Variants in TCF12 observed in about 807,000 individuals in gnomAD.
TCF12 encodes the protein DNA-binding protein HTF4.
TCF12 carries 45 observed loss-of-function variants against 86.0 expected under a neutral mutation model. The ratio of observed to expected loss-of-function variants is 0.52; its 90% CI spans 0.41 to 0.67. The LOEUF (loss-of-function observed/expected upper bound fraction) is 0.67, where lower values mean the gene tolerates loss of function less well. Among genes scored for constraint, TCF12 ranks in the 30% least tolerant of loss-of-function variants. The probability of loss-of-function intolerance (pLI) is 0.00; values close to 1 mark genes in which losing one functional copy is unlikely to be tolerated. For synonymous variants in TCF12, 330 were observed against 299.6 expected, an observed-to-expected ratio of 1.10 and a Z score of -1.05; for missense variants, 881 against 859.9, an observed-to-expected ratio of 1.02 and a Z score of -0.31.
At chr15:57,251,992 G>A (rs146701405) in intron 14 of TCF12, among the ~76,000 whole-genome samples, 64 of 152,314 alleles carry the variant, frequency 4.2e-4, no homozygotes, top group Non-Finnish European at 5.6e-4. Flanking sequence ...TGAGCGTGAA[G>A]AATTTGTGGG....
At chr15:56,958,938 T>C (rs2061620869) in intron 3 of TCF12, among the ~76,000 whole-genome samples, 1 of 152,198 alleles carries the variant, frequency 6.6e-6, no homozygotes, top group South Asian at 2.1e-4. Flanking sequence ...ATCTAGTGGA[T>C]TGTGAAACTG....
chr15:57,205,555 G>C (rs951237910), intron 8 of TCF12, among the ~76,000 whole-genome samples: 3 of 152,178 alleles, frequency 2.0e-5, no homozygotes, highest in Non-Finnish European at 4.4e-5. Context: ...TCTATTTGAA[G>C]GCTACTGTGA....
intron 3 of TCF12, among the ~76,000 whole-genome samples, chr15:56,971,409 A>T (rs1420300717): frequency 6.6e-6 from 1 of 152,178 alleles, no homozygotes; most frequent in Non-Finnish European, 1.5e-5. Flanking sequence ...CCTGGGTGAC[A>T]GCGAGACTTT....
At chr15:57,208,439 G>A (rs1341296191) in intron 8 of TCF12, among the ~76,000 whole-genome samples, 10 of 125,968 alleles carry the variant, frequency 7.9e-5, no homozygotes, top group South Asian at 2.6e-4. Context: ...CTGGAGTGCA[G>A]TGGCATAATC....
At chr15:56,998,123 C>T (rs773782938) in intron 3 of TCF12, among the ~76,000 whole-genome samples, 3 of 152,120 alleles carry the variant, frequency 2.0e-5, no homozygotes, top group South Asian at 2.1e-4. Flanking sequence ...TCTTCTCTTA[C>T]GAATAGAACT....
chr15:56,931,377 C>A (rs2060241354), intron 3 of TCF12, among the ~76,000 whole-genome samples: 1 of 152,100 alleles, frequency 6.6e-6, no homozygotes, highest in Non-Finnish European at 1.5e-5. Flanking sequence ...GAGAAATTTT[C>A]AGGGTAAAAA....
intron 5 of TCF12, among the ~76,000 whole-genome samples, chr15:57,122,674 A>G (rs1199422197): frequency 6.6e-6 from 1 of 152,236 alleles, no homozygotes; most frequent in African/African-American, 2.4e-5. Flanking sequence ...AGAAGAGCCA[A>G]TTCATCCCAT....
intron 12 of TCF12, among the ~76,000 whole-genome samples, chr15:57,234,974 G>A (rs539757294): frequency 1.5e-4 from 23 of 152,294 alleles, no homozygotes; most frequent in South Asian, 1.4e-3. Context: ...GGCAGAGCAC[G>A]TTAATACCTG....
intron 5 of TCF12, among the ~76,000 whole-genome samples, chr15:57,125,343 C>T (rs536889572): frequency 6.6e-6 from 1 of 152,274 alleles, no homozygotes; most frequent in South Asian, 2.1e-4. Context: ...TGTAGTAGAT[C>T]CAGCTGTTAA....
intron 5 of TCF12, among the ~76,000 whole-genome samples, chr15:57,093,628 G>A (rs1405273941): frequency 2.0e-5 from 3 of 152,184 alleles, no homozygotes; most frequent in Admixed American, 2.0e-4. Flanking sequence ...GCTCTGAGCA[G>A]ATGTTGACTA....
chr15:57,155,393 A>G (rs1171900391), intron 5 of TCF12, among the ~76,000 whole-genome samples: 11 of 152,160 alleles, frequency 7.2e-5, no homozygotes, highest in Admixed American at 7.2e-4. Flanking sequence ...ACTGGCCTTT[A>G]CCTATTTTCA....
chr15:57,110,696 G>A (rs1045643741), intron 5 of TCF12, among the ~76,000 whole-genome samples: 23 of 152,242 alleles, frequency 1.5e-4, no homozygotes, highest in Admixed American at 1.0e-3. Context: ...TTTACAGGTT[G>A]CTTGGGCTGG....
chr15:56,926,625 C>CAG (rs1333652090), intron 3 of TCF12, among the ~76,000 whole-genome samples: 1 of 152,078 alleles, frequency 6.6e-6, no homozygotes, highest in Non-Finnish European at 1.5e-5. Flanking sequence ...CTGTACAGTT[C>CAG]AGAGAGAGAG....
At chr15:57,209,917 A>G (rs186239207) in intron 8 of TCF12, among the ~76,000 whole-genome samples, 1 of 152,152 alleles carries the variant, frequency 6.6e-6, no homozygotes, top group African/African-American at 2.4e-5. Context: ...TTGCATTTGC[A>G]GTTTATGGAA....
intron 3 of TCF12, among the ~76,000 whole-genome samples, chr15:56,945,625 C>T (rs1364779913): frequency 2.0e-5 from 3 of 150,938 alleles, no homozygotes; most frequent in Admixed American, 2.0e-4. Flanking sequence ...GATCTTTATT[C>T]TTTTCTATAT....
chr15:57,290,064 G>A (rs1237963880), downstream of TCF12, among the ~76,000 whole-genome samples: 3 of 151,210 alleles, frequency 2.0e-5, no homozygotes, highest in Non-Finnish European at 4.4e-5. Flanking sequence ...AGTGAGTCTG[G>A]CTGGGCGTGG....
chr15:57,063,416 C>A (rs1222360512), intron 3 of TCF12, among the ~76,000 whole-genome samples: 1 of 152,062 alleles, frequency 6.6e-6, no homozygotes, highest in African/African-American at 2.4e-5. Context: ...AGTACTAAAC[C>A]AGACAAAGTT....
At chr15:57,221,000 C>CT (rs1275737335) in intron 8 of TCF12, among the ~76,000 whole-genome samples, 2 of 152,096 alleles carry the variant, frequency 1.3e-5, no homozygotes, top group Non-Finnish European at 2.9e-5. Context: ...TGTCTCTTCC[C>CT]TTTTCATCAC....
intron 4 of TCF12, among the ~76,000 whole-genome samples, chr15:57,085,244 A>G (rs919982502): frequency 6.6e-5 from 10 of 152,240 alleles, no homozygotes; most frequent in Non-Finnish European, 1.3e-4. Context: ...AGAGGAATAA[A>G]AAGTTCTTGC....
Sources: gnomAD v4.1 joint callset for allele counts (sites outside exome capture counted in the v4.1 genomes callset) on GRCh38, gnomAD v4.1.1 for gene constraint, MANE v1.5 for transcripts, NCBI Gene and HGNC (gene_info 2026-07-23, HGNC 2026-07-21) for gene names.